Variants in ESR1 observed in about 807,000 individuals in gnomAD.
ESR1 encodes the protein estrogen receptor.
A neutral mutation model predicts 52.7 loss-of-function variants in ESR1; 12 were observed. That is an observed-to-expected ratio of 0.23 (90% confidence interval 0.15 to 0.37). The LOEUF is 0.37. ESR1 is among the 10% of genes least tolerant of loss of function. The pLI, the probability that ESR1 is intolerant of heterozygous loss-of-function variation, is 1.00. For missense variants in ESR1, 584 were observed against 779.7 expected, an observed-to-expected ratio of 0.75 and a Z score of 2.99; for synonymous variants, 305 against 316.8, an observed-to-expected ratio of 0.96 and a Z score of 0.39.
At chr6:151,771,125 G>A (rs1461544191) in intron 2 of ESR1, among the ~76,000 whole-genome samples, 2 of 152,206 alleles carry the variant, frequency 1.3e-5, no homozygotes, top group Non-Finnish European at 1.5e-5. Context: ...ATGTGCTCCA[G>A]CAGCATTCTG....
chr6:151,692,887 C>T (rs1018907210), intron 1 of ESR1, among the ~76,000 whole-genome samples: 3 of 152,192 alleles, frequency 2.0e-5, no homozygotes, highest in Non-Finnish European at 4.4e-5. Flanking sequence ...CCATCTGCCC[C>T]TAAAAATATT....
intron 4 of ESR1, among the ~76,000 whole-genome samples, chr6:152,001,461 T>C (rs1199834986): frequency 3.3e-5 from 5 of 152,052 alleles, no homozygotes; most frequent in Non-Finnish European, 5.9e-5. Context: ...CTTAACATCC[T>C]AATCACTTCT....
intron 2 of ESR1, among the ~76,000 whole-genome samples, chr6:151,785,790 C>T (rs1308232090): frequency 6.6e-6 from 1 of 152,184 alleles, no homozygotes; most frequent in African/African-American, 2.4e-5. Context: ...TCCTGGACTG[C>T]ATTGTGGTAG....
chr6:151,877,934 C>T (rs928571241), intron 2 of ESR1, among the ~76,000 whole-genome samples: 2 of 151,906 alleles, frequency 1.3e-5, no homozygotes, highest in Non-Finnish European at 2.9e-5. Flanking sequence ...CTCAGCCTCC[C>T]GAGTAGCTAG....
At chr6:151,885,817 T>C (rs1353920479) in intron 3 of ESR1, among the ~76,000 whole-genome samples, 1 of 152,184 alleles carries the variant, frequency 6.6e-6, no homozygotes, top group East Asian at 1.9e-4. Flanking sequence ...ATTGCACCAC[T>C]GCATTCCAGC....
intron 6 of ESR1, among the ~76,000 whole-genome samples, chr6:152,088,540 T>G (rs927800422): frequency 6.6e-6 from 1 of 152,204 alleles, no homozygotes; most frequent in East Asian, 1.9e-4. Context: ...CATGAGTGGT[T>G]GAAACCATTC....
intron 1 of ESR1, among the ~76,000 whole-genome samples, chr6:151,701,583 G>C (rs1010853772): frequency 4.0e-5 from 6 of 151,510 alleles, no homozygotes; most frequent in Non-Finnish European, 8.8e-5. Context: ...CATCCCGTGG[G>C]CCTGAGTTGG....
intron 2 of ESR1, among the ~76,000 whole-genome samples, chr6:151,774,032 G>A (rs2504065): frequency 0.47 from 71,125 of 152,082 alleles, 17,061 homozygotes; most frequent in Non-Finnish European, 0.5. Flanking sequence ...TAGGTGTTCA[G>A]TAAGTATTTG....
At chr6:151,785,304 G>A (rs1404021411) in intron 2 of ESR1, among the ~76,000 whole-genome samples, 6 of 152,144 alleles carry the variant, frequency 3.9e-5, no homozygotes, top group African/African-American at 1.4e-4. Context: ...ATGGCATCTG[G>A]GTGGAGATAT....
chr6:152,094,543 A>T lies in ESR1; in HGVS notation c.1528A>T (p.Ile510Phe), dbSNP rs2152496615. Residue 510 changes from isoleucine to phenylalanine, a missense_variant, in exon 7 of 8, where the codon ATC (isoleucine) becomes TTC (phenylalanine). Around this residue, in one of 6 missense-constraint regions of ESR1, gnomAD observed 141 missense variants for 289.3 expected, o/e 0.49. Coordinates refer to ENST00000206249, the MANE Select transcript of ESR1 (RefSeq NM_000125.4). This position sits in a 1 kb window ranked among gnomAD's most constrained non-coding sequence, Gnocchi z 4.6. ...QHQRLAQLLLILSHIRHMSNK... is the reference protein window; with the variant it reads ...QHQRLAQLLLFLSHIRHMSNK... ...CCAGCGGCTGGCCCAGCTCCTCCTC[A>T]TCCTCTCCCACATCAGGCACATGAG... 1 of 1,613,978 alleles carries T rather than the reference A, an allele frequency of 6.2e-7. No homozygotes were observed. The highest frequency in any genetic ancestry group is 8.5e-7 in the Non-Finnish European group (1 of 1,179,988).
intron 2 of ESR1, among the ~76,000 whole-genome samples, chr6:151,849,916 G>C (rs1785987113): frequency 6.9e-6 from 1 of 144,748 alleles, no homozygotes; most frequent in Non-Finnish European, 1.5e-5. Context: ...CTAGGGTCCT[G>C]TCTTCAATCT....
chr6:151,719,876 A>C (rs1781334659), intron 2 of ESR1, among the ~76,000 whole-genome samples: 1 of 152,208 alleles, frequency 6.6e-6, no homozygotes, highest in African/African-American at 2.4e-5. Context: ...GAAGATGCTC[A>C]CGTTAGCAAC....
chr6:152,102,467 CA>C lies in ESR1; in HGVS notation c.*3505del. On this transcript the variant is annotated 3_prime_UTR_variant, in exon 8 of 8. Coordinates refer to ENST00000206249, the MANE Select transcript of ESR1 (RefSeq NM_000125.4). ...AGGCAAATAGAGTCATACAGTAGCT[CA>C]AAAGGCAACCATAATTCTCTTTGGT... The C allele has an allele frequency of 4.8e-6, 1 of 208,944 alleles. No homozygotes were observed. The highest frequency in any genetic ancestry group is 9.7e-6 in the Non-Finnish European group (1 of 102,608). The allele number at this position is 208,944 out of a possible 1,614,324, so 12.9% of individuals were successfully genotyped here. A position where few individuals can be genotyped will look rare whatever the true frequency, so the allele number is the denominator to read the frequency against.
intron 3 of ESR1, among the ~76,000 whole-genome samples, chr6:151,881,047 G>A (rs768012724): frequency 6.6e-5 from 10 of 152,192 alleles, no homozygotes; most frequent in Non-Finnish European, 1.3e-4. Context: ...GTGGGAGGCG[G>A]TGATGGAAGG....
At chr6:152,078,657 C>G (rs35156982) in intron 6 of ESR1, among the ~76,000 whole-genome samples, 32,096 of 152,090 alleles carry the variant, frequency 0.21, 4,788 homozygotes, top group African/African-American at 0.41. Context: ...GTGAGCCGAA[C>G]TGGGGCAGGG....
In ESR1 at chr6:152,099,027, C is replaced by A; in HGVS notation, c.*61C>A. 7.3e-7 allele frequency: 1 copy of A among 1,375,252 alleles called. No homozygotes were observed. The highest frequency in any genetic ancestry group is 1.0e-6 in the Non-Finnish European group (1 of 973,730). 85.2% of individuals were successfully genotyped at this position (1,375,252 alleles called of 1,614,324 possible). A position where few individuals can be genotyped will look rare whatever the true frequency, so the allele number is the denominator to read the frequency against. On this transcript the variant is annotated 3_prime_UTR_variant, in exon 8 of 8. Coordinates refer to ENST00000206249, the MANE Select transcript of ESR1 (RefSeq NM_000125.4). ...TGCTGCATTTTACCCTCATCATGCA[C>A]CACTTTAGCCAAATTCTGTCTCCTG... is the stretch of plus-strand genomic sequence containing the variant.
intron 5 of ESR1, among the ~76,000 whole-genome samples, chr6:152,028,357 C>T (rs2044344514): frequency 1.3e-5 from 2 of 152,172 alleles, no homozygotes; most frequent in African/African-American, 4.8e-5. Flanking sequence ...ATCGCCTCAC[C>T]TGGGAAGTGC....
At chr6:151,708,178 T>A (rs946640775) in intron 2 of ESR1, among the ~76,000 whole-genome samples, 1 of 152,092 alleles carries the variant, frequency 6.6e-6, no homozygotes, top group Non-Finnish European at 1.5e-5. Context: ...ACATAATATA[T>A]GTGTGTGTGT....
At chr6:151,906,600 A>G (rs1797496033) in intron 3 of ESR1, among the ~76,000 whole-genome samples, 1 of 151,284 alleles carries the variant, frequency 6.6e-6, no homozygotes, top group Non-Finnish European at 1.5e-5. Flanking sequence ...CGGCAAGAAA[A>G]ATGCACAGAA....
Sources: allele counts gnomAD v4.1 joint callset (sites outside exome capture counted in the v4.1 genomes callset), GRCh38; gene constraint gnomAD v4.1.1; regional missense constraint gnomAD v4.1.1; non-coding constraint Gnocchi (gnomAD v3.1); transcripts MANE v1.5; gene names NCBI Gene and HGNC (gene_info 2026-07-23, HGNC 2026-07-21).